The following BRWD1 variants were observed in gnomAD, a reference collection of about 807,000 sequenced individuals.
BRWD1 encodes bromodomain and WD repeat domain containing 1.
BRWD1 carries 82 observed loss-of-function variants against 251.2 expected under a neutral mutation model. The observed-to-expected ratio is 0.33, with a 90% CI of 0.27 to 0.39. BRWD1 has a LOEUF of 0.39. BRWD1 is among the 10% of genes least tolerant of loss of function. BRWD1 has a pLI of 1.00. For missense variants in BRWD1, 2,233 were observed against 2,711.6 expected (o/e 0.82, Z 3.92); for synonymous variants, 918 against 902.8 (o/e 1.02, Z -0.30).
rs1555852005 is a variant in BRWD1 at position 39,218,486 on chromosome 21, T to TAAAAAATAAATAAAATCCTA, written c.3538+18_3538+19insTAGGATTTTATTTATTTTTT. The TAAAAAATAAATAAAATCCTA allele has an allele frequency of 1.3e-6, 2 of 1,557,216 alleles. No individual in the cohort carries two copies. The highest frequency in any genetic ancestry group is 2.8e-5 in the African/African-American group (2 of 71,838). On this transcript the variant is annotated intron_variant, in intron 30 of 40. Transcript: ENST00000342449. The stretch of plus-strand genomic sequence containing the variant: ...AAATTGAAAAAAAAACTTTTCATCC[T>TAAAAAATAAATAAAATCCTA]AAAAAATAAAAAACTTACCAAGATT...
At chr21:39,317,184 C>A (rs1467503367), upstream of BRWD1, 1 of 152,178 alleles carries the variant, frequency 6.6e-6, no homozygotes. Context: ...TTAGTGGGTA[C>A]CCACCAGAAG....
chr21:39,189,024 T>A lies in BRWD1; in HGVS notation c.*7235A>T, dbSNP rs2031403004. The A allele has an allele frequency of 1.0e-6, 1 of 985,216 alleles. No homozygotes were observed. The highest frequency in any genetic ancestry group is 1.2e-6 in the Non-Finnish European group (1 of 829,896). 61.0% of individuals were successfully genotyped at this position (985,216 alleles called of 1,614,324 possible). A position where few individuals can be genotyped will look rare whatever the true frequency, so the allele number is the denominator to read the frequency against. On this transcript the variant is annotated 3_prime_UTR_variant, in exon 41 of 41. Transcript: ENST00000342449. The stretch of plus-strand genomic sequence containing the variant: ...CTGTGTTTACCACTTCAAAGACACT[T>A]CTCTTGGGAATTTTAAAATTATGAA...
intron 4 of BRWD1, among the ~76,000 whole-genome samples, chr21:39,301,985 T>TTTTG (rs1197365573): frequency 8.0e-5 from 11 of 136,926 alleles, no homozygotes; most frequent in African/African-American, 2.8e-4. Context: ...TGTGTTTTTT[T>TTTTG]TTTTTTTTTT....
upstream of BRWD1, chr21:39,315,913 T>C (rs2036693651): frequency 6.6e-6 from 1 of 152,184 alleles, no homozygotes; most frequent in Non-Finnish European, 1.5e-5. Context: ...TTATCCAGGC[T>C]ACAATGTGTG....
chr21:39,213,927 C>T (rs984672356), intron 32 of BRWD1, among the ~76,000 whole-genome samples: 2 of 148,418 alleles, frequency 1.3e-5, no homozygotes, highest in South Asian at 2.1e-4. Flanking sequence ...TATATATATA[C>T]ATATATATAT....
At chr21:39,227,991 A>C (rs563485599) in intron 27 of BRWD1, among the ~76,000 whole-genome samples, 16 of 152,278 alleles carry the variant, frequency 1.1e-4, no homozygotes, top group Middle Eastern at 3.4e-3. Context: ...GCTCGTCTAA[A>C]AAAGTCTACA....
At chr21:39,319,927 A>G (rs772803145) in intron 1 of BRWD1, among the ~76,000 whole-genome samples, 2 of 151,946 alleles carry the variant, frequency 1.3e-5, no homozygotes, top group Non-Finnish European at 2.9e-5. Flanking sequence ...TCCTGTCACT[A>G]CTTTTAAAAA....
intron 4 of BRWD1, among the ~76,000 whole-genome samples, chr21:39,304,165 G>C (rs1285672291): frequency 7.7e-6 from 1 of 129,074 alleles, no homozygotes; most frequent in South Asian, 2.4e-4. Flanking sequence ...AAAAAAAAGA[G>C]AAATACAGAA....
chr21:39,221,703 A>C (rs1299891414), intron 29 of BRWD1, among the ~76,000 whole-genome samples: 1 of 152,224 alleles, frequency 6.6e-6, no homozygotes, highest in African/African-American at 2.4e-5. Flanking sequence ...TGGGAGGCCA[A>C]CGCAGGCATA....
chr21:39,274,573 A>T, intron 12 of BRWD1, 101 bp from the exon 13 acceptor site: 1 of 930,614 alleles, frequency 1.1e-6, no homozygotes, highest in Non-Finnish European at 1.7e-6. Context: ...AAGCTGTCCT[A>T]ACAACAGGAC....
intron 21 of BRWD1, among the ~76,000 whole-genome samples, chr21:39,243,701 T>A (rs1468908394): frequency 6.6e-6 from 1 of 152,108 alleles, no homozygotes; most frequent in Non-Finnish European, 1.5e-5. Flanking sequence ...TCCTCCCACC[T>A]CAGTCTCCCA....
chr21:39,311,384 G>A (rs904034059), intron 4 of BRWD1, among the ~76,000 whole-genome samples: 1 of 152,000 alleles, frequency 6.6e-6, no homozygotes, highest in African/African-American at 2.4e-5. Context: ...TGAACTCCTG[G>A]CCTCAAGTGA....
At chr21:39,254,868 C>T (rs1022938029) in intron 19 of BRWD1, among the ~76,000 whole-genome samples, 48 of 152,152 alleles carry the variant, frequency 3.2e-4, no homozygotes, top group Middle Eastern at 3.4e-3. Context: ...AGCAGTCTTG[C>T]AAAAAACTGA....
chr21:39,244,883 G>T (rs2034124148), intron 21 of BRWD1, among the ~76,000 whole-genome samples: 1 of 131,930 alleles, frequency 7.6e-6, no homozygotes, highest in Non-Finnish European at 1.6e-5. Flanking sequence ...AATTGCTTAA[G>T]TCATACAATG....
At chr21:39,264,759 A>T in intron 16 of BRWD1, 74 bp from the exon 17 acceptor site, 1 of 1,492,802 alleles carries the variant, frequency 6.7e-7, no homozygotes. Flanking sequence ...TAAACAGTTA[A>T]TTAAAACTAG....
intron 27 of BRWD1, among the ~76,000 whole-genome samples, chr21:39,227,989 A>G (rs2033450199): frequency 6.6e-6 from 1 of 152,120 alleles, no homozygotes; most frequent in Non-Finnish European, 1.5e-5. Context: ...TTGCTCGTCT[A>G]AAAAAGTCTA....
intron 5 of BRWD1, chr21:39,297,278 C>G (rs902062199): frequency 1.1e-4 from 113 of 985,316 alleles, no homozygotes; most frequent in Non-Finnish European, 1.3e-4. Flanking sequence ...AACTAACAGA[C>G]ATATTGCATT....
Position 39,196,907 on chromosome 21 carries a change from T to C in BRWD1, c.6162A>G (p.Glu2054=), listed in dbSNP as rs1302757617. ...TCCCTGGAATATGACTTTTTGAATC[T>C]TCTCCTGAAGATGTAACAGAGGAAC... The part of the protein sequence containing the change: ...RKSSSVTSSG[E]DSKSHIPGSE... The change falls in exon 41 of 41, where the codon GAA becomes GAG. Residue 2054 remains glutamate (E), a synonymous_variant. Coordinates refer to ENST00000342449, the MANE Select transcript of BRWD1 (RefSeq NM_033656.4). The C allele has an allele frequency of 6.2e-7, 1 of 1,613,930 alleles. No individual in the cohort carries two copies. Among genetic ancestry groups the C allele is most frequent in the Admixed American group, 1.7e-5 (1 of 60,010 alleles).
chr21:39,234,488 G>A (rs8128102), intron 23 of BRWD1, among the ~76,000 whole-genome samples: 46,266 of 152,030 alleles, frequency 0.3, 7,499 homozygotes, highest in Middle Eastern at 0.36. Flanking sequence ...ACCTATATTC[G>A]AGTCCAAGAC....
Sources: allele counts gnomAD v4.1 joint callset (sites outside exome capture counted in the v4.1 genomes callset), GRCh38; gene constraint gnomAD v4.1.1; transcripts MANE v1.5; gene names NCBI Gene and HGNC (gene_info 2026-07-23, HGNC 2026-07-21).